Variants in MGMT observed in about 807,000 individuals in gnomAD.
The protein encoded by MGMT is methylated-DNA--protein-cysteine methyltransferase.
A neutral mutation model predicts 15.9 loss-of-function variants in MGMT; 14 were observed. The ratio of observed to expected loss-of-function variants is 0.88; its 90% CI spans 0.58 to 1.37. MGMT has a LOEUF of 1.37. Among genes scored for constraint, MGMT ranks in the 40% most tolerant of loss-of-function variants. The pLI, the probability that MGMT is intolerant of heterozygous loss-of-function variation, is 0.00. For missense variants in MGMT, 282 were observed against 268.1 expected, an observed-to-expected ratio of 1.05 and a Z score of -0.36; for synonymous variants, 130 against 118.2, an observed-to-expected ratio of 1.10 and a Z score of -0.65.
chr10:129,692,965 G>A (rs937819997), intron 2 of MGMT, among the ~76,000 whole-genome samples: 3 of 152,262 alleles, frequency 2.0e-5, no homozygotes, highest in African/African-American at 7.2e-5. Flanking sequence ...GACGCCACTC[G>A]CTGGCAAAGC....
intron 2 of MGMT, among the ~76,000 whole-genome samples, chr10:129,662,927 G>A (rs144423174): frequency 1.2e-4 from 18 of 152,242 alleles, no homozygotes; most frequent in Admixed American, 9.8e-4. Flanking sequence ...TACAGCATAC[G>A]CAAAGAGAAA....
At chr10:129,617,747 T>C (rs899919208) in intron 2 of MGMT, among the ~76,000 whole-genome samples, 1 of 152,156 alleles carries the variant, frequency 6.6e-6, no homozygotes, top group South Asian at 2.1e-4. Flanking sequence ...AAGTGTTTGT[T>C]CATGTCCTTT....
At chr10:129,669,472 A>G (rs1847697240) in intron 2 of MGMT, among the ~76,000 whole-genome samples, 1 of 152,166 alleles carries the variant, frequency 6.6e-6, no homozygotes, top group Admixed American at 6.5e-5. Flanking sequence ...TATGAGATCA[A>G]CCCACAGACA....
intron 3 of MGMT, among the ~76,000 whole-genome samples, chr10:129,754,392 TA>T (rs1848782424): frequency 1.3e-5 from 2 of 152,124 alleles, no homozygotes; most frequent in African/African-American, 4.8e-5. Flanking sequence ...GCCCACCTCT[TA>T]GGGGGAGCAC....
intron 2 of MGMT, among the ~76,000 whole-genome samples, chr10:129,684,416 A>G (rs1387033419): frequency 1.3e-5 from 2 of 152,226 alleles, no homozygotes; most frequent in East Asian, 3.9e-4. Context: ...GTCTCTGGCT[A>G]TGGGAAAATT....
intron 2 of MGMT, among the ~76,000 whole-genome samples, chr10:129,599,713 AG>A (rs1263953676): frequency 1.3e-5 from 2 of 152,190 alleles, no homozygotes; most frequent in African/African-American, 4.8e-5. Context: ...AGTCTGTGGG[AG>A]GGAGTTCTAT....
intron 3 of MGMT, among the ~76,000 whole-genome samples, chr10:129,719,987 G>A (rs377088478): frequency 2.1e-4 from 32 of 152,300 alleles, no homozygotes; most frequent in African/African-American, 7.2e-4. Context: ...TGGTCCTTTG[G>A]AACTCAGGGA....
intron 1 of MGMT, among the ~76,000 whole-genome samples, chr10:129,517,626 C>T (rs969408879): frequency 2.6e-5 from 4 of 152,192 alleles, no homozygotes; most frequent in South Asian, 2.1e-4. Context: ...GGCCGTATGT[C>T]GCACAAGGCT....
intron 2 of MGMT, among the ~76,000 whole-genome samples, chr10:129,616,568 GC>G (rs1847030346): frequency 6.6e-6 from 1 of 152,150 alleles, no homozygotes; most frequent in South Asian, 2.1e-4. Flanking sequence ...CCTCTCTGGT[GC>G]CCTGTCCTCC....
chr10:129,696,987 A>T (rs1202544867), intron 2 of MGMT, among the ~76,000 whole-genome samples: 1 of 152,148 alleles, frequency 6.6e-6, no homozygotes, highest in Non-Finnish European at 1.5e-5. Context: ...TGGAATACTG[A>T]TGTGTGTTGT....
At chr10:129,520,100 GT>G in intron 1 of MGMT, among the ~76,000 whole-genome samples, 1 of 152,208 alleles carries the variant, frequency 6.6e-6, no homozygotes, top group Non-Finnish European at 1.5e-5. Flanking sequence ...CAAGCATCTG[GT>G]TTATCTGCGT....
intron 2 of MGMT, among the ~76,000 whole-genome samples, chr10:129,692,312 G>T (rs1437594343): frequency 6.6e-5 from 10 of 152,164 alleles, no homozygotes; most frequent in Admixed American, 6.5e-4. Context: ...CTTCCAGGCA[G>T]GGAAGAAAAG....
At chr10:129,704,914 G>A (rs553463153) in intron 2 of MGMT, among the ~76,000 whole-genome samples, 85 of 152,240 alleles carry the variant, frequency 5.6e-4, no homozygotes, top group African/African-American at 1.7e-3. Context: ...CCCTGCTGTC[G>A]GATGACATGC....
At chr10:129,482,120 G>A (rs575155844) in intron 1 of MGMT, among the ~76,000 whole-genome samples, 9 of 152,256 alleles carry the variant, frequency 5.9e-5, no homozygotes, top group African/African-American at 1.2e-4. Flanking sequence ...TCAGAGTGGC[G>A]TATTTCCCAA....
intron 3 of MGMT, among the ~76,000 whole-genome samples, chr10:129,749,190 T>A (rs1848726989): frequency 6.6e-6 from 1 of 152,216 alleles, no homozygotes; most frequent in Non-Finnish European, 1.5e-5. Flanking sequence ...TAAGCTTCTA[T>A]GGCCTTTGAT....
intron 1 of MGMT, among the ~76,000 whole-genome samples, chr10:129,487,694 A>G (rs754728102): frequency 2.0e-5 from 3 of 151,980 alleles, no homozygotes; most frequent in African/African-American, 4.8e-5. Flanking sequence ...TATTTTATAT[A>G]GTCTGGATTC....
At chr10:129,561,670 C>T (rs1449589166) in intron 2 of MGMT, among the ~76,000 whole-genome samples, 2 of 152,034 alleles carry the variant, frequency 1.3e-5, no homozygotes, top group Non-Finnish European at 2.9e-5. Flanking sequence ...TCAGTTTTAC[C>T]GAGACACAGT....
intron 2 of MGMT, among the ~76,000 whole-genome samples, chr10:129,625,343 A>G (rs1847134356): frequency 6.6e-6 from 1 of 152,254 alleles, no homozygotes; most frequent in Admixed American, 6.5e-5. Flanking sequence ...AGAAGAGAGA[A>G]TAATTCCTAG....
At chr10:129,496,163 C>G (rs1363630879) in intron 1 of MGMT, among the ~76,000 whole-genome samples, 1 of 152,134 alleles carries the variant, frequency 6.6e-6, no homozygotes, top group Non-Finnish European at 1.5e-5. Flanking sequence ...TCAAATGTTG[C>G]TACAAGCTGA....
Sources: allele counts gnomAD v4.1 joint callset (sites outside exome capture counted in the v4.1 genomes callset), GRCh38; gene constraint gnomAD v4.1.1; transcripts MANE v1.5; gene names NCBI Gene and HGNC (gene_info 2026-07-23, HGNC 2026-07-21).